LARP4B: variants seen among roughly 807,000 people sequenced by gnomAD.
LARP4B encodes La ribonucleoprotein 4B.
Under a neutral mutation model 89.8 loss-of-function variants are expected in LARP4B, and 12 were observed. The ratio of observed to expected loss-of-function variants is 0.13; its 90% CI spans 0.09 to 0.22. The LOEUF (loss-of-function observed/expected upper bound fraction) is 0.22, where lower values mean the gene tolerates loss of function less well. Ranked by LOEUF, LARP4B falls within the 10% of genes least tolerant of loss-of-function variation. LARP4B has a pLI of 1.00. For missense variants in LARP4B, 757 were observed against 947.7 expected (o/e 0.80, Z 2.64); for synonymous variants, 367 against 363.3 (o/e 1.01, Z -0.12).
intron 1 of LARP4B, among the ~76,000 whole-genome samples, chr10:912,243 C>T (rs942555332): frequency 6.8e-6 from 1 of 148,102 alleles, no homozygotes; most frequent in African/African-American, 2.5e-5. Flanking sequence ...TTGGGCCACA[C>T]ATAAAATACA....
At chr10:961,141 C>T in the LARP4B span, among the ~76,000 whole-genome samples, 3 of 152,234 alleles carry the variant, frequency 2.0e-5, no homozygotes, top group Non-Finnish European at 4.4e-5. Context: ...GTCAGTAGAT[C>T]TGCCTTGCAA....
chr10:919,706 C>T (rs1449111446), intron 1 of LARP4B, among the ~76,000 whole-genome samples: 2 of 152,196 alleles, frequency 1.3e-5, no homozygotes, highest in Admixed American at 6.5e-5. Context: ...TTCCTCTACA[C>T]AAAGGTGACG....
chr10:879,653 A>G, intron 3 of LARP4B, among the ~76,000 whole-genome samples: 1 of 152,016 alleles, frequency 6.6e-6, no homozygotes, highest in Non-Finnish European at 1.5e-5. Flanking sequence ...ACACACCACC[A>G]TGCCTGTTCT....
intron 1 of LARP4B, among the ~76,000 whole-genome samples, chr10:912,321 CA>C (rs899370145): frequency 7.0e-4 from 99 of 140,670 alleles, no homozygotes; most frequent in East Asian, 1.2e-3. Context: ...AAAAAAATCG[CA>C]AAAAAAAAAA....
chr10:867,862 G>GA (rs903762145), intron 3 of LARP4B, among the ~76,000 whole-genome samples: 1,364 of 42,294 alleles, frequency 0.032, 19 homozygotes, highest in East Asian at 0.039. Context: ...CTCCATCCTT[G>GA]AAAAAAAAAA....
intron 15 of LARP4B, 132 bp downstream of exon 15, chr10:817,593 G>A: frequency 1.2e-6 from 1 of 846,244 alleles, no homozygotes; most frequent in Non-Finnish European, 1.9e-6. Context: ...TGTGACCTCT[G>A]CAATCACGTG....
At chr10:835,889 C>T (rs1003491392) in intron 8 of LARP4B, among the ~76,000 whole-genome samples, 11 of 150,826 alleles carry the variant, frequency 7.3e-5, no homozygotes, top group Admixed American at 6.6e-5. Flanking sequence ...GCCGAGGTTG[C>T]GCCACTGCAC....
chr10:960,150 C>G, the LARP4B span, among the ~76,000 whole-genome samples: 3 of 152,112 alleles, frequency 2.0e-5, no homozygotes, highest in East Asian at 5.8e-4. Context: ...ACATTCTCTA[C>G]GAGTCCAACG....
At chr10:884,381 T>A in intron 3 of LARP4B, 66 bp downstream of exon 3, 1 of 1,097,770 alleles carries the variant, frequency 9.1e-7, no homozygotes, top group South Asian at 1.3e-5. Flanking sequence ...ACATTTTTCT[T>A]AAGGAAGTAT....
At chr10:823,459 T>G (rs956263964) in intron 13 of LARP4B, among the ~76,000 whole-genome samples, 2 of 152,284 alleles carry the variant, frequency 1.3e-5, no homozygotes, top group Admixed American at 1.3e-4. Context: ...AGCTTTGGAC[T>G]CTCAGCTTCA....
chr10:885,568 T>TA, intron 2 of LARP4B, 73 bp downstream of exon 2: 1 of 1,078,472 alleles, frequency 9.3e-7, no homozygotes, highest in Non-Finnish European at 1.4e-6. Context: ...TAGAACTCCT[T>TA]ACTAACTCCA....
chr10:863,814 T>C lies in LARP4B; in HGVS notation c.359A>G (p.Asp120Gly), dbSNP rs752037223. The C allele has an allele frequency of 8.7e-6, 14 of 1,614,158 alleles. No individual in the cohort carries two copies. In the South Asian group the frequency reaches 1.4e-4, roughly 16 times the overall value. ...NAALPDPQES[D>G]PADMNALALG... Reference sequence around the variant, plus strand: ...AGCGAGAGCGTTCATGTCTGCTGGGTCCGACTCCTGCGGGTCTGGCAATGC... The same window carrying C: ...AGCGAGAGCGTTCATGTCTGCTGGGCCCGACTCCTGCGGGTCTGGCAATGC... Residue 120 changes from aspartate to glycine, a missense_variant, in exon 5 of 18, where the codon GAC (aspartate) becomes GGC (glycine). Around this residue, in one of 5 missense-constraint regions of LARP4B, gnomAD observed 175 missense variants for 187.0 expected, o/e 0.94. Coordinates refer to ENST00000316157, the MANE Select transcript of LARP4B (RefSeq NM_015155.3).
intron 3 of LARP4B, 135 bp from the exon 4 acceptor site, chr10:864,405 T>A: frequency 1.1e-5 from 7 of 664,578 alleles, no homozygotes; most frequent in South Asian, 3.1e-5. Flanking sequence ...ACCTTTGGAA[T>A]GAAATCAGGT....
intron 1 of LARP4B, among the ~76,000 whole-genome samples, chr10:887,526 C>A (rs141571063): frequency 4.0e-4 from 60 of 151,386 alleles, no homozygotes; most frequent in African/African-American, 1.4e-3. Flanking sequence ...GCCTGGCCAA[C>A]ATGGTGAAAC....
Position 822,573 on chromosome 10 carries a change from C to T in LARP4B, c.1485-1728G>A, listed in dbSNP as rs557822287. On this transcript the variant is annotated intron_variant, in intron 13 of 17. Coordinates refer to ENST00000316157, the MANE Select transcript of LARP4B (RefSeq NM_015155.3). This position sits in a 1 kb window ranked among gnomAD's most constrained non-coding sequence, Gnocchi z 4.6. ...CAGAAGCCCACCTGCAGCCGTAGAA[C>T]ACTGTCAGCTGTCAGTGCCCATCAT... Among the ~76,000 whole-genome samples the T allele has an allele frequency of 2.6e-5, 4 of 152,370 alleles. No individual in the cohort carries two copies. The South Asian group carries it at 8.3e-4, about 32-fold the overall frequency.
At chr10:923,503 T>TA (rs201722042) in intron 1 of LARP4B, among the ~76,000 whole-genome samples, 1,242 of 122,712 alleles carry the variant, frequency 0.01, 7 homozygotes, top group Middle Eastern at 0.012. Flanking sequence ...ATGGACCCAG[T>TA]AAAAAAAAAA....
intron 1 of LARP4B, among the ~76,000 whole-genome samples, chr10:920,736 C>T (rs905516067): frequency 2.0e-5 from 3 of 152,044 alleles, no homozygotes; most frequent in Non-Finnish European, 2.9e-5. Context: ...ACAGCCACTG[C>T]ACTTCAGCCT....
intron 5 of LARP4B, among the ~76,000 whole-genome samples, chr10:855,369 G>T (rs1834250267): frequency 6.6e-6 from 1 of 152,110 alleles, no homozygotes; most frequent in Admixed American, 6.6e-5. Flanking sequence ...TTGATTAAAA[G>T]TGAGATAAGT....
chr10:969,682 T>C, the LARP4B span, among the ~76,000 whole-genome samples: 1 of 152,078 alleles, frequency 6.6e-6, no homozygotes, highest in Non-Finnish European at 1.5e-5. Flanking sequence ...TGAGCCAAGA[T>C]TGCGTCATTG....
Sources: gnomAD v4.1 joint callset for allele counts (sites outside exome capture counted in the v4.1 genomes callset) on GRCh38, gnomAD v4.1.1 for gene constraint, gnomAD v4.1.1 regional missense constraint, Gnocchi (gnomAD v3.1) non-coding constraint, MANE v1.5 for transcripts, NCBI Gene and HGNC (gene_info 2026-07-23, HGNC 2026-07-21) for gene names.